Variants in S1PR2 observed in about 807,000 individuals in gnomAD.
S1PR2 encodes sphingosine-1-phosphate receptor 2, also known as sphingosine 1-phosphate receptor 2.
In S1PR2, 9 loss-of-function variants were observed where a neutral mutation model predicts 16.1. The ratio of observed to expected loss-of-function variants is 0.56; its 90% CI spans 0.34 to 0.98. The LOEUF (loss-of-function observed/expected upper bound fraction) is 0.98. Among genes scored for constraint, S1PR2 ranks in the 50% least tolerant of loss-of-function variants. The probability of loss-of-function intolerance (pLI) is 0.02; values close to 1 mark genes in which losing one functional copy is unlikely to be tolerated. For synonymous variants in S1PR2, 224 were observed against 233.9 expected, an observed-to-expected ratio of 0.96 and a Z score of 0.38; for missense variants, 361 against 488.4, an observed-to-expected ratio of 0.74 and a Z score of 2.46.
At chr19:10,230,260 C>A (rs1364373118) in intron 1 of S1PR2, among the ~76,000 whole-genome samples, 2 of 152,176 alleles carry the variant, frequency 1.3e-5, no homozygotes, top group African/African-American at 4.8e-5. Flanking sequence ...GGGAGCCACG[C>A]CTCCTCTCCC....
intron 1 of S1PR2, chr19:10,230,270 C>A (rs1383434339): frequency 6.5e-6 from 1 of 152,820 alleles, no homozygotes; most frequent in Non-Finnish European, 1.5e-5. Context: ...CCTCCTCTCC[C>A]CCCCGCCCCC....
At chr19:10,230,735 T>G (rs2039670339) in intron 1 of S1PR2, among the ~76,000 whole-genome samples, 1 of 152,130 alleles carries the variant, frequency 6.6e-6, no homozygotes, top group Admixed American at 6.5e-5. Flanking sequence ...GGCAAACAAC[T>G]TGGGGAAACC....
intron 1 of S1PR2, among the ~76,000 whole-genome samples, chr19:10,228,209 G>A (rs2039648461): frequency 6.6e-6 from 1 of 151,622 alleles, no homozygotes; most frequent in South Asian, 2.1e-4. Flanking sequence ...CTACTTGGGA[G>A]ACTGAAGCAG....
rs1178451270 is a variant in S1PR2, at chr19:10,223,959, C to T, written c.947G>A (p.Arg316Lys). ...GTGGTGGCCCGGGGTCCCGCCCCGCCTCCGTCCTTGCACCCCCACCCCCGG... is the reference window on the plus strand; with the variant it reads ...GTGGTGGCCCGGGGTCCCGCCCCGCTTCCGTCCTTGCACCCCCACCCCCGG... Reference protein sequence around the residue: ...WRPGVGVQGRRRGGTPGHHLL... With the variant: ...WRPGVGVQGRKRGGTPGHHLL... The change falls in exon 2 of 2, where the codon AGG becomes AAG. Residue 316 changes from arginine to lysine, a missense_variant. Transcript: ENST00000646641. The T allele has an allele frequency of 1.6e-5, 25 of 1,607,770 alleles. No individual in the cohort carries two copies. Among genetic ancestry groups the T allele is most frequent in the Non-Finnish European group, 2.1e-5 (25 of 1,176,804 alleles).
intron 1 of S1PR2, among the ~76,000 whole-genome samples, chr19:10,230,903 G>A (rs2039672460): frequency 6.6e-6 from 1 of 151,744 alleles, no homozygotes; most frequent in Admixed American, 6.6e-5. Context: ...CCCGGTCCCC[G>A]AGCACGGCGT....
chr19:10,224,722 T>G lies in S1PR2; in HGVS notation c.184A>C (p.Ser62Arg), dbSNP rs2039619773. Residue 62 changes from serine (S) to arginine (R), a missense_variant, in exon 2 of 2, where the codon AGC (serine) becomes CGC (arginine). Transcript: ENST00000646641. The stretch of plus-strand genomic sequence containing the variant: ...AGGTACATTGCCGAGTGGAACTTGC[T>G]GTTTCGGGCCACCGCAATGAGCACC... ...LLVLIAVARN[S>R]KFHSAMYLFL... The G allele has an allele frequency of 6.2e-7, 1 of 1,614,114 alleles. No homozygotes were observed. The highest frequency in any genetic ancestry group is 1.1e-5 in the South Asian group (1 of 91,088).
intron 1 of S1PR2, among the ~76,000 whole-genome samples, chr19:10,230,692 CA>C (rs1319039175): frequency 2.0e-5 from 3 of 152,184 alleles, no homozygotes; most frequent in Non-Finnish European, 2.9e-5. Context: ...CCTTACAAAA[CA>C]AAGCCACGCC....
chr19:10,228,212 T>C (rs903688938), intron 1 of S1PR2, among the ~76,000 whole-genome samples: 8 of 151,126 alleles, frequency 5.3e-5, no homozygotes, highest in Non-Finnish European at 1.2e-4. Flanking sequence ...CTTGGGAGAC[T>C]GAAGCAGGAG....
intron 1 of S1PR2, among the ~76,000 whole-genome samples, chr19:10,230,209 T>A: frequency 6.6e-6 from 1 of 152,276 alleles, no homozygotes; most frequent in African/African-American, 2.4e-5. Context: ...TCGGCCTCCT[T>A]ATCTGGTTTA....
intron 1 of S1PR2, among the ~76,000 whole-genome samples, chr19:10,225,726 A>G (rs2039630514): frequency 1.3e-5 from 2 of 151,462 alleles, no homozygotes; most frequent in South Asian, 2.1e-4. Flanking sequence ...TTTTTTAGAG[A>G]TTGGGTCTCA....
chr19:10,230,783 G>A (rs146944870), intron 1 of S1PR2, among the ~76,000 whole-genome samples: 1 of 152,338 alleles, frequency 6.6e-6, no homozygotes, highest in Non-Finnish European at 1.5e-5. Flanking sequence ...CCTCCCCGTG[G>A]GTGCCGCCCC....
At position 10,224,938 on chromosome 19, in the gene S1PR2, G is replaced by A. The variant is rs753471077; in HGVS notation, c.-33C>T. 6.4e-7 allele frequency: 1 copy of A among 1,552,750 alleles called. No individual in the cohort carries two copies. The highest frequency in any genetic ancestry group is 8.8e-7 in the Non-Finnish European group (1 of 1,142,710). On this transcript the variant is annotated 5_prime_UTR_variant, in exon 2 of 2. Coordinates refer to ENST00000646641, the MANE Select transcript of S1PR2 (RefSeq NM_004230.4). ...CTCAGAGGCCTGCTGGGGCCATGGGGCTTTCAGAACTGCAGAGAAGACAGA... is the reference window on the plus strand; with the variant it reads ...CTCAGAGGCCTGCTGGGGCCATGGGACTTTCAGAACTGCAGAGAAGACAGA...
intron 1 of S1PR2, among the ~76,000 whole-genome samples, chr19:10,226,123 C>A (rs2039633096): frequency 6.6e-6 from 1 of 152,218 alleles, no homozygotes; most frequent in Non-Finnish European, 1.5e-5. Context: ...GGCGCCTGCG[C>A]CCTCATGCTG....
At chr19:10,228,564 T>C (rs893179840) in intron 1 of S1PR2, among the ~76,000 whole-genome samples, 2 of 152,154 alleles carry the variant, frequency 1.3e-5, no homozygotes, top group African/African-American at 4.8e-5. Flanking sequence ...ACTTGGGCGG[T>C]TGACGCCTCC....
rs147817898 is a variant in S1PR2, at chr19:10,224,110, T to A, written c.796A>T (p.Ile266Phe). The change falls in exon 2 of 2, where the codon ATC (isoleucine) becomes TTC (phenylalanine). Residue 266 changes from isoleucine to phenylalanine, a missense_variant. Physicochemically the swap from Ile to Phe is conservative, Grantham distance 21. Transcript: ENST00000646641. ...DYACPVHSCP[I>F]LYKAHYFFAV... ...AAAAAGTAGTGGGCTTTGTAGAGGA[T>A]CGGGCAGGAGTGGACGGGACAGGCA... 12 of 1,604,742 alleles carry A rather than the reference T, an allele frequency of 7.5e-6. No individual in the cohort carries two copies. The highest frequency in any genetic ancestry group is 1.3e-5 in the African/African-American group (1 of 74,888).
chr19:10,226,467 T>C (rs910606771), intron 1 of S1PR2, among the ~76,000 whole-genome samples: 1 of 152,218 alleles, frequency 6.6e-6, no homozygotes, highest in African/African-American at 2.4e-5. Flanking sequence ...GGAAAATCCT[T>C]TTAAATGACG....
At chr19:10,231,128 G>T (rs945864114) in intron 1 of S1PR2, 76 bp downstream of exon 1, 1 of 152,840 alleles carries the variant, frequency 6.5e-6, no homozygotes, top group Admixed American at 6.5e-5. Context: ...CCCGATTGGG[G>T]CCCCTCAGCT....
chr19:10,229,131 A>G (rs2039653643), intron 1 of S1PR2, among the ~76,000 whole-genome samples: 1 of 151,894 alleles, frequency 6.6e-6, no homozygotes, highest in Admixed American at 6.6e-5. Flanking sequence ...GGCTCCCTAT[A>G]GCCCAAGTAG....
chr19:10,223,972 C>G lies in S1PR2; in HGVS notation c.934G>C (p.Val312Leu), dbSNP rs750507202. ...GTCCCGCCCCGCCTCCGTCCTTGCA[C>G]CCCCACCCCCGGCCTCCAGCACTGC... ...PLQCWRPGVG[V>L]QGRRRGGTPG... The change falls in exon 2 of 2, where the codon GTG (valine) becomes CTG (leucine). Residue 312 changes from valine to leucine, a missense_variant. Physicochemically the swap from Val to Leu is conservative, Grantham distance 32. Transcript: ENST00000646641. The G allele has an allele frequency of 8.7e-6, 14 of 1,609,000 alleles. No homozygotes were observed. The Admixed American group carries it at 2.2e-4, about 25-fold the overall frequency.
Sources: allele counts gnomAD v4.1 joint callset (sites outside exome capture counted in the v4.1 genomes callset), GRCh38; gene constraint gnomAD v4.1.1; transcripts MANE v1.5; gene names NCBI Gene and HGNC (gene_info 2026-07-23, HGNC 2026-07-21).